Variants in PCDH9 observed in about 807,000 individuals in gnomAD.
PCDH9 encodes the protein protocadherin 9, also known as protocadherin-9.
A neutral mutation model predicts 70.6 loss-of-function variants in PCDH9; 24 were observed. The observed-to-expected ratio is 0.34, with a 90% CI of 0.25 to 0.48. PCDH9 has a LOEUF of 0.48. Among genes scored for constraint, PCDH9 ranks in the 20% least tolerant of loss-of-function variants. The pLI, the probability that PCDH9 is intolerant of heterozygous loss-of-function variation, is 0.99. For missense variants in PCDH9, 1,281 were observed against 1,503.6 expected, an observed-to-expected ratio of 0.85 and a Z score of 2.45; for synonymous variants, 562 against 558.5, an observed-to-expected ratio of 1.01 and a Z score of -0.09.
chr13:66,810,081 C>T (rs1016385121), intron 3 of PCDH9, among the ~76,000 whole-genome samples: 1 of 151,902 alleles, frequency 6.6e-6, no homozygotes, highest in Non-Finnish European at 1.5e-5. Flanking sequence ...TGGAATTATA[C>T]TTTATTTGCT....
At chr13:66,905,122 GT>G (rs975529754) in intron 2 of PCDH9, among the ~76,000 whole-genome samples, 3 of 151,520 alleles carry the variant, frequency 2.0e-5, no homozygotes, top group Admixed American at 6.6e-5. Flanking sequence ...ATGTTCCTAA[GT>G]TTTTTGTCTG....
intron 3 of PCDH9, among the ~76,000 whole-genome samples, chr13:66,746,407 C>G (rs1056653236): frequency 6.6e-6 from 1 of 151,972 alleles, no homozygotes; most frequent in Non-Finnish European, 1.5e-5. Context: ...AATAAAGATG[C>G]CAGATAAATA....
chr13:66,448,435 A>C (rs1190250663), intron 4 of PCDH9, among the ~76,000 whole-genome samples: 1 of 152,218 alleles, frequency 6.6e-6, no homozygotes, highest in Non-Finnish European at 1.5e-5. Flanking sequence ...TACATAGCAA[A>C]AAGACATTGC....
intron 2 of PCDH9, among the ~76,000 whole-genome samples, chr13:66,953,476 G>C (rs531602804): frequency 1.3e-4 from 20 of 152,250 alleles, no homozygotes; most frequent in Non-Finnish European, 2.8e-4. Flanking sequence ...TTTATATTTT[G>C]TATGCATGTA....
At chr13:66,872,953 C>G (rs992892521) in intron 3 of PCDH9, among the ~76,000 whole-genome samples, 4 of 152,112 alleles carry the variant, frequency 2.6e-5, no homozygotes, top group African/African-American at 9.7e-5. Flanking sequence ...CACCATTTAT[C>G]TATGAATGAT....
At chr13:66,747,678 A>G (rs2079392506) in intron 3 of PCDH9, among the ~76,000 whole-genome samples, 1 of 152,180 alleles carries the variant, frequency 6.6e-6, no homozygotes, top group Non-Finnish European at 1.5e-5. Flanking sequence ...TAATCAAAAA[A>G]ACATAATCAA....
At chr13:66,637,367 T>G in intron 3 of PCDH9, among the ~76,000 whole-genome samples, 1 of 152,208 alleles carries the variant, frequency 6.6e-6, no homozygotes, top group African/African-American at 2.4e-5. Context: ...TTATGATTTA[T>G]GGAAATTACT....
At chr13:66,360,685 A>G (rs1956455997) in intron 4 of PCDH9, among the ~76,000 whole-genome samples, 1 of 152,140 alleles carries the variant, frequency 6.6e-6, no homozygotes, top group Admixed American at 6.6e-5. Flanking sequence ...CTCTCTGAAA[A>G]TCACTGGAAA....
intron 4 of PCDH9, among the ~76,000 whole-genome samples, chr13:66,584,559 A>G (rs1242941056): frequency 6.6e-6 from 1 of 152,216 alleles, no homozygotes; most frequent in African/African-American, 2.4e-5. Flanking sequence ...TTCAAGATCA[A>G]TGGATTCATT....
intron 4 of PCDH9, among the ~76,000 whole-genome samples, chr13:66,387,721 CT>C (rs1956952649): frequency 6.6e-6 from 1 of 151,980 alleles, no homozygotes; most frequent in Non-Finnish European, 1.5e-5. Context: ...AGAACATTTT[CT>C]TTATAAATTA....
At chr13:66,955,379 G>C (rs1038829211) in intron 2 of PCDH9, among the ~76,000 whole-genome samples, 1 of 152,100 alleles carries the variant, frequency 6.6e-6, no homozygotes, top group Non-Finnish European at 1.5e-5. Flanking sequence ...GCTGAGACCT[G>C]TCCCCAAAAA....
intron 3 of PCDH9, among the ~76,000 whole-genome samples, chr13:66,777,463 G>A (rs1404749278): frequency 2.0e-5 from 3 of 152,042 alleles, no homozygotes; most frequent in Non-Finnish European, 4.4e-5. Context: ...ATCAAAAAGT[G>A]GGCAAAGGAC....
chr13:66,523,759 T>A (rs951630583), intron 4 of PCDH9, among the ~76,000 whole-genome samples: 1 of 151,916 alleles, frequency 6.6e-6, no homozygotes, highest in Non-Finnish European at 1.5e-5. Flanking sequence ...CATTATCACA[T>A]AGAAGATAAC....
chr13:66,906,923 C>T (rs749171465), intron 2 of PCDH9, among the ~76,000 whole-genome samples: 3 of 152,050 alleles, frequency 2.0e-5, no homozygotes, highest in Admixed American at 6.6e-5. Context: ...TTAAAAGTCT[C>T]GGCTGGGCGC....
At chr13:67,001,954 C>T (rs1380247388) in intron 2 of PCDH9, 1 of 152,158 alleles carries the variant, frequency 6.6e-6, no homozygotes, top group Admixed American at 6.5e-5. Context: ...CGGGTTTCCA[C>T]TGTATTGAAT....
At chr13:66,936,220 A>T (rs2082913794) in intron 2 of PCDH9, among the ~76,000 whole-genome samples, 1 of 152,202 alleles carries the variant, frequency 6.6e-6, no homozygotes, top group African/African-American at 2.4e-5. Flanking sequence ...ACACTCAATC[A>T]GTCTCATTTG....
intron 4 of PCDH9, among the ~76,000 whole-genome samples, chr13:66,468,413 T>G (rs2138473909): frequency 6.6e-6 from 1 of 152,204 alleles, no homozygotes; most frequent in South Asian, 2.1e-4. Flanking sequence ...GTGAAACTTT[T>G]AAAAGAAAAG....
rs1000204739 is a variant in PCDH9, at chr13:67,192,157, G to A, written c.3036+33248C>T. On this transcript the variant is annotated intron_variant, in intron 2 of 4. Coordinates refer to ENST00000377865, the MANE Select transcript of PCDH9 (RefSeq NM_203487.3). ...ATATTAAAAATATAATACATATTGGGGATGGGGAAAAACAAAAAGAATATA... is the reference window on the plus strand; with the variant it reads ...ATATTAAAAATATAATACATATTGGAGATGGGGAAAAACAAAAAGAATATA... Among the ~76,000 whole-genome samples the A allele has an allele frequency of 2.0e-5, 3 of 152,014 alleles. No individual in the cohort carries two copies. In the South Asian group the frequency reaches 6.2e-4, roughly 32 times the overall value.
At chr13:66,859,501 T>A (rs1194193271) in intron 3 of PCDH9, among the ~76,000 whole-genome samples, 1 of 152,222 alleles carries the variant, frequency 6.6e-6, no homozygotes, top group Non-Finnish European at 1.5e-5. Flanking sequence ...GGTTTTACAT[T>A]CACTATTTAA....
Sources: allele counts gnomAD v4.1 joint callset (sites outside exome capture counted in the v4.1 genomes callset), GRCh38; gene constraint gnomAD v4.1.1; transcripts MANE v1.5; gene names NCBI Gene and HGNC (gene_info 2026-07-23, HGNC 2026-07-21).